SLC8A1: variants seen among roughly 807,000 people sequenced by gnomAD.
The protein encoded by SLC8A1 is solute carrier family 8 member A1.
Under a neutral mutation model 68.3 loss-of-function variants are expected in SLC8A1, and 18 were observed. The ratio of observed to expected loss-of-function variants is 0.26; its 90% CI spans 0.18 to 0.39. SLC8A1 has a LOEUF of 0.39. SLC8A1 is among the 10% of genes least tolerant of loss of function. The pLI is 1.00. For synonymous variants in SLC8A1, 475 were observed against 415.5 expected (o/e 1.14, Z -1.74); for missense variants, 985 against 1,156.7 (o/e 0.85, Z 2.15).
chr2:40,442,412 A>G (rs1700676904), intron 1 of SLC8A1, among the ~76,000 whole-genome samples: 1 of 150,780 alleles, frequency 6.6e-6, no homozygotes, highest in Admixed American at 6.6e-5. Context: ...AAAAAAAAAA[A>G]GAAAAAACAT....
At chr2:40,246,874 C>T (rs2061942427) in intron 2 of SLC8A1, among the ~76,000 whole-genome samples, 1 of 151,970 alleles carries the variant, frequency 6.6e-6, no homozygotes, top group Non-Finnish European at 1.5e-5. Context: ...TTAGATGTGA[C>T]TAGGGCTGTG....
chr2:40,428,206 T>C (rs1262165827), intron 2 of SLC8A1, among the ~76,000 whole-genome samples: 2 of 151,082 alleles, frequency 1.3e-5, no homozygotes, highest in Non-Finnish European at 3.0e-5. Flanking sequence ...CATTTTATCA[T>C]AGTCACAATG....
intron 2 of SLC8A1, chr2:40,213,285 C>T (rs867203586): frequency 6.6e-6 from 1 of 152,276 alleles, no homozygotes; most frequent in Middle Eastern, 3.4e-3. Flanking sequence ...GCTGTATCCA[C>T]TGTCCACAGC....
At chr2:40,101,524 T>A (rs2033892287) in exon 8 of SLC8A1, 1 of 60,114 alleles carries the variant, frequency 1.7e-5, no homozygotes, top group African/African-American at 3.6e-5. Flanking sequence ...ATAAGCTGAT[T>A]AGAAATCTCT....
At chr2:40,403,351 A>G (rs1386864802) in intron 2 of SLC8A1, among the ~76,000 whole-genome samples, 1 of 152,216 alleles carries the variant, frequency 6.6e-6, no homozygotes, top group Non-Finnish European at 1.5e-5. Flanking sequence ...CAGGTTATCA[A>G]TGTAAACAAT....
At chr2:40,505,393 C>T (rs1288302738) in intron 1 of SLC8A1, among the ~76,000 whole-genome samples, 2 of 151,718 alleles carry the variant, frequency 1.3e-5, no homozygotes, top group Non-Finnish European at 2.9e-5. Context: ...GATGGATATC[C>T]CATTCCCCAT....
intron 1 of SLC8A1, among the ~76,000 whole-genome samples, chr2:40,508,741 A>C (rs966679305): frequency 2.0e-5 from 3 of 152,188 alleles, no homozygotes; most frequent in Admixed American, 2.0e-4. Context: ...GGGAGAAAGT[A>C]CATTTTTTTC....
intron 2 of SLC8A1, among the ~76,000 whole-genome samples, chr2:40,180,973 T>G (rs1361759028): frequency 6.8e-6 from 1 of 146,100 alleles, no homozygotes; most frequent in Admixed American, 6.8e-5. Context: ...TCTTTTTTTT[T>G]GTTGAGATGG....
At chr2:40,471,614 G>A (rs948095865) in intron 1 of SLC8A1, among the ~76,000 whole-genome samples, 9 of 152,092 alleles carry the variant, frequency 5.9e-5, no homozygotes, top group Non-Finnish European at 1.3e-4. Flanking sequence ...GTCATATAGA[G>A]GAAGCACACC....
At chr2:40,138,916 T>C (rs1296991274) in intron 7 of SLC8A1, among the ~76,000 whole-genome samples, 1 of 152,214 alleles carries the variant, frequency 6.6e-6, no homozygotes, top group Non-Finnish European at 1.5e-5. Context: ...CTACTTTCTC[T>C]TTTGTCTCAT....
intron 7 of SLC8A1, among the ~76,000 whole-genome samples, chr2:40,125,920 A>C (rs1212975364): frequency 6.6e-6 from 1 of 152,128 alleles, no homozygotes; most frequent in Non-Finnish European, 1.5e-5. Context: ...ATTTTTATAG[A>C]TTCTTGTAAT....
exon 3 of SLC8A1, chr2:40,177,803 T>C: frequency 6.4e-7 from 1 of 1,551,470 alleles, no homozygotes; most frequent in Non-Finnish European, 8.7e-7. Flanking sequence ...AGGGAGAAAC[T>C]GCACTCTTTC....
chr2:40,320,691 A>G (rs986376904), intron 2 of SLC8A1, among the ~76,000 whole-genome samples: 7 of 152,164 alleles, frequency 4.6e-5, no homozygotes, highest in African/African-American at 1.7e-4. Context: ...TGTTAAATGG[A>G]TCATGGAACA....
chr2:40,266,040 C>A (rs2149114084), intron 2 of SLC8A1, among the ~76,000 whole-genome samples: 1 of 152,282 alleles, frequency 6.6e-6, no homozygotes, highest in Non-Finnish European at 1.5e-5. Context: ...CTAACTTCAA[C>A]AATGGGAGAA....
chr2:40,413,706 C>T (rs9789737), intron 2 of SLC8A1, among the ~76,000 whole-genome samples: 20,222 of 152,084 alleles, frequency 0.13, 2,518 homozygotes, highest in East Asian at 0.66. Context: ...TACAAATTAA[C>T]GTCTTTAAGA....
At chr2:40,283,914 C>A (rs544500690) in intron 2 of SLC8A1, among the ~76,000 whole-genome samples, 2 of 152,114 alleles carry the variant, frequency 1.3e-5, no homozygotes, top group African/African-American at 2.4e-5. Context: ...TACTACCCCC[C>A]ACCTTTTATT....
chr2:40,435,900 C>G (rs1187347032), intron 1 of SLC8A1, among the ~76,000 whole-genome samples: 3 of 151,636 alleles, frequency 2.0e-5, no homozygotes, highest in Admixed American at 6.6e-5. Context: ...CTCAGCCTGC[C>G]AAGTAGCTGG....
chr2:40,141,741 C>G (rs751749532), intron 6 of SLC8A1, among the ~76,000 whole-genome samples: 11 of 152,082 alleles, frequency 7.2e-5, no homozygotes, highest in Admixed American at 2.0e-4. Context: ...CAGAGTGTGA[C>G]CTTATTTGGA....
chr2:40,329,197 C>A (rs1231987483), intron 2 of SLC8A1, among the ~76,000 whole-genome samples: 1 of 152,142 alleles, frequency 6.6e-6, no homozygotes, highest in African/African-American at 2.4e-5. Context: ...CTCTCATATT[C>A]TCTGGCCCAT....
Sources: gnomAD v4.1 joint callset for allele counts (sites outside exome capture counted in the v4.1 genomes callset) on GRCh38, gnomAD v4.1.1 for gene constraint, MANE v1.5 for transcripts, NCBI Gene and HGNC (gene_info 2026-07-23, HGNC 2026-07-21) for gene names.